The following AGBL1 variants were observed in gnomAD, a reference collection of about 807,000 sequenced individuals.
AGBL1 encodes the protein cytosolic carboxypeptidase 4.
Under a neutral mutation model 118.9 loss-of-function variants are expected in AGBL1, and 130 were observed. That is an observed-to-expected ratio of 1.09 (90% CI 0.95 to 1.26). The LOEUF (loss-of-function observed/expected upper bound fraction) is 1.26. AGBL1 is among the 50% of genes most tolerant of loss of function. The pLI is 0.00. For missense variants in AGBL1, 1,584 were observed against 1,298.1 expected, an observed-to-expected ratio of 1.22 and a Z score of -3.38; for synonymous variants, 555 against 478.9, an observed-to-expected ratio of 1.16 and a Z score of -2.08.
At chr15:86,962,087 T>C (rs1048517592) in intron 23 of AGBL1, among the ~76,000 whole-genome samples, 1 of 152,132 alleles carries the variant, frequency 6.6e-6, no homozygotes, top group Non-Finnish European at 1.5e-5. Flanking sequence ...CTATTACAAA[T>C]TGCAAATTCA....
At chr15:86,106,574 C>G (rs563358274) in intron 1 of AGBL1, among the ~76,000 whole-genome samples, 4 of 152,170 alleles carry the variant, frequency 2.6e-5, no homozygotes, top group Non-Finnish European at 4.4e-5. Context: ...AAACATCTTG[C>G]GACACTTAGC....
chr15:86,293,657 T>C (rs1248965794), intron 16 of AGBL1, among the ~76,000 whole-genome samples: 1 of 152,218 alleles, frequency 6.6e-6, no homozygotes, highest in Non-Finnish European at 1.5e-5. Context: ...GTGAACATCT[T>C]TGGGGGCCAC....
At chr15:86,968,382 G>A (rs751903224) in intron 23 of AGBL1, among the ~76,000 whole-genome samples, 4 of 151,896 alleles carry the variant, frequency 2.6e-5, no homozygotes, top group Non-Finnish European at 4.4e-5. Flanking sequence ...CGACTTCTAA[G>A]CACAAATATG....
At position 86,631,556 on chromosome 15, in the gene AGBL1, T is replaced by C. The variant is rs1325534691; in HGVS notation, c.2995-42717T>C. Among the ~76,000 whole-genome samples the C allele has an allele frequency of 2.6e-5, 4 of 152,212 alleles. No homozygotes were observed. The South Asian group carries it at 6.2e-4, about 24-fold the overall frequency. ...TCTGACTTACTAATTCTTTGAGACC[T>C]GTAGTTTGAGTTGAGGCCTGCTGGC... On this transcript the variant is annotated intron_variant, in intron 21 of 22. Transcript: ENST00000614907.
At chr15:86,720,412 C>T (rs1204390118) in intron 22 of AGBL1, among the ~76,000 whole-genome samples, 3 of 152,156 alleles carry the variant, frequency 2.0e-5, no homozygotes, top group Non-Finnish European at 4.4e-5. Context: ...TATTTTTGTT[C>T]TTAATGCTAC....
chr15:86,684,463 C>CTTTTTTTTTTTTTTTTTTTTTTTT (rs11436174), intron 22 of AGBL1, among the ~76,000 whole-genome samples: 5 of 145,994 alleles, frequency 3.4e-5, no homozygotes, highest in Non-Finnish European at 7.5e-5. Context: ...ATAGTTCTCT[C>CTTTTTTTTTTTTTTTTTTTTTTTT]TTTTTTTTTT....
At chr15:86,709,213 T>C (rs1456246055) in intron 22 of AGBL1, among the ~76,000 whole-genome samples, 1 of 152,160 alleles carries the variant, frequency 6.6e-6, no homozygotes, top group African/African-American at 2.4e-5. Flanking sequence ...GGCACTTGTA[T>C]AAAACTTTTC....
At chr15:86,718,277 C>T (rs1444037271) in intron 22 of AGBL1, among the ~76,000 whole-genome samples, 1 of 151,998 alleles carries the variant, frequency 6.6e-6, no homozygotes, top group East Asian at 1.9e-4. Context: ...TCTGAGCAAA[C>T]TATCTCAAGG....
chr15:86,460,894 C>G (rs1596142554), intron 18 of AGBL1, among the ~76,000 whole-genome samples: 1 of 152,166 alleles, frequency 6.6e-6, no homozygotes, highest in African/African-American at 2.4e-5. Context: ...CAACCGCTTG[C>G]CATTTTCTAC....
intron 22 of AGBL1, among the ~76,000 whole-genome samples, chr15:86,772,066 G>T (rs1263479991): frequency 6.6e-6 from 1 of 152,044 alleles, no homozygotes; most frequent in Non-Finnish European, 1.5e-5. Context: ...GAGAGTGGAA[G>T]TATAAGACAT....
chr15:86,633,780 G>T (rs2085020759), intron 21 of AGBL1, among the ~76,000 whole-genome samples: 1 of 142,536 alleles, frequency 7.0e-6, no homozygotes, highest in Admixed American at 7.1e-5. Context: ...TATTTTATGT[G>T]TGTGTATATA....
At chr15:86,905,867 C>T (rs1371439340) in intron 22 of AGBL1, among the ~76,000 whole-genome samples, 2 of 152,266 alleles carry the variant, frequency 1.3e-5, no homozygotes, top group East Asian at 3.9e-4. Flanking sequence ...CACAAGTCAG[C>T]CTGTAAAATA....
chr15:87,002,846 T>C lies in AGBL1; in HGVS notation c.3323+14758T>C, dbSNP rs2081454738. The stretch of plus-strand genomic sequence containing the variant: ...TTGATTTTATATCCTGAGACTTTGC[T>C]GAAGTTGCTTATCAGCTTAAGAAGA... On this transcript the variant is annotated intron_variant, in intron 24 of 24. Coordinates refer to the AGBL1 transcript ENST00000441037. Among the ~76,000 whole-genome samples the C allele has an allele frequency of 2.6e-5, 4 of 152,230 alleles. 1 individual carries two copies. Among genetic ancestry groups the C allele is most frequent in the Admixed American group, 2.6e-4 (4 of 15,278 alleles).
chr15:86,237,840 T>TG (rs1004218566), intron 6 of AGBL1, among the ~76,000 whole-genome samples: 11 of 152,196 alleles, frequency 7.2e-5, no homozygotes, highest in African/African-American at 2.4e-4. Flanking sequence ...CTCAAAATGG[T>TG]GGGGGGTCAC....
rs1215447579 is a variant in AGBL1, at chr15:86,143,863, C to T, written c.262+18C>T. ...CCTAAGAGGTACTCGTACTCCAAGA[C>T]CTAAAGCTGACTGAAAAGGCACTTC... On this transcript the variant is annotated intron_variant, in intron 3 of 22. Coordinates refer to ENST00000614907, the MANE Select transcript of AGBL1 (RefSeq NM_001386094.1). 7 of 1,610,888 alleles carry T rather than the reference C, an allele frequency of 4.3e-6. No individual in the cohort carries two copies. The highest frequency in any genetic ancestry group is 1.7e-5 in the Admixed American group (1 of 59,520).
chr15:86,413,155 G>A (rs982940059), intron 18 of AGBL1, among the ~76,000 whole-genome samples: 1 of 151,814 alleles, frequency 6.6e-6, no homozygotes, highest in South Asian at 2.1e-4. Context: ...TCAACAAACC[G>A]GCCCCACCCT....
intron 21 of AGBL1, among the ~76,000 whole-genome samples, chr15:86,646,153 A>T (rs952513592): frequency 7.2e-5 from 11 of 152,224 alleles, no homozygotes; most frequent in Non-Finnish European, 1.3e-4. Flanking sequence ...TTTCTCTTTG[A>T]CAGAGTTTCA....
chr15:86,259,729 A>G (rs187112318), intron 9 of AGBL1, among the ~76,000 whole-genome samples: 1 of 152,364 alleles, frequency 6.6e-6, no homozygotes. Context: ...CCTATGGAGT[A>G]CGTGCTGAAT....
chr15:86,958,206 T>TAAA (rs545565434), intron 23 of AGBL1, among the ~76,000 whole-genome samples: 5,095 of 125,024 alleles, frequency 0.041, 129 homozygotes, highest in Middle Eastern at 0.065. Context: ...TCTTGTTTCT[T>TAAA]AAAAAAAAAA....
Sources: allele counts gnomAD v4.1 joint callset (sites outside exome capture counted in the v4.1 genomes callset), GRCh38; gene constraint gnomAD v4.1.1; transcripts MANE v1.5; gene names NCBI Gene and HGNC (gene_info 2026-07-23, HGNC 2026-07-21).